Variants in TLE6 observed in about 807,000 individuals in gnomAD.
The protein encoded by TLE6 is TLE family member 6, subcortical maternal complex member.
Under a neutral mutation model 77.1 loss-of-function variants are expected in TLE6, and 72 were observed. The observed-to-expected ratio is 0.93, with a 90% CI of 0.77 to 1.14. The LOEUF is 1.14. TLE6 is among the 50% of genes most tolerant of loss of function. The pLI is 0.00. For synonymous variants in TLE6, 366 were observed against 287.3 expected (o/e 1.27, Z -2.77); for missense variants, 843 against 747.6 (o/e 1.13, Z -1.49).
At position 2,994,956 on chromosome 19, in the gene TLE6, T is replaced by C. The variant is rs1393508736; in HGVS notation, c.1671T>C (p.Val557=). 1 of 1,609,876 alleles carries C rather than the reference T, an allele frequency of 6.2e-7. No individual in the cohort carries two copies. Among genetic ancestry groups the C allele is most frequent in the East Asian group, 2.2e-5 (1 of 44,834 alleles). The change falls in exon 17 of 17, where the codon GTT becomes GTC. Residue 557 remains valine (V), a synonymous_variant. Coordinates refer to ENST00000246112, the MANE Select transcript of TLE6 (RefSeq NM_001143986.2). ...ACGTCTCTTCCAACAACCGCCTCGT[T>C]GTCACAGGCTCCGGGGAGCACGCCT... ...CCDVSSNNRL[V]VTGSGEHASV... is the part of the protein sequence containing the mutation.
At chr19:2,994,838 C>G (rs1249355696) in intron 16 of TLE6, 62 bp from the exon 17 acceptor site, 1 of 920,256 alleles carries the variant, frequency 1.1e-6, no homozygotes, top group Admixed American at 2.1e-5. Context: ...CTTGAGCTGA[C>G]AGGTGGAGAC....
Position 2,988,126 on chromosome 19 carries a change from C to T in TLE6, c.738C>T (p.Ser246=), listed in dbSNP as rs570924594. ...GAAGAGCCTCTCGGTTTCTACAGTC[C>T]ATGTAAGTGTCTGCACTGTTTGCTT... ...PPGRASRFLQ[S]ISWDPEDFED... is the part of the protein sequence containing the mutation. Residue 246 remains serine (S), a splice_region_variant and synonymous_variant, in exon 11 of 17, where the codon TCC becomes TCT. Transcript: ENST00000246112. 7 of 1,551,678 alleles carry T rather than the reference C, an allele frequency of 4.5e-6. No individual in the cohort carries two copies. In the South Asian group the frequency reaches 5.9e-5, roughly 13 times the overall value.
intron 2 of TLE6, among the ~76,000 whole-genome samples, chr19:2,979,283 G>C (rs914186844): frequency 6.8e-6 from 1 of 147,890 alleles, no homozygotes; most frequent in Non-Finnish European, 1.5e-5. Flanking sequence ...TCTTGCTCTT[G>C]TTGCCCAGGC....
At chr19:2,981,608 A>G (rs750020549) in intron 4 of TLE6, 25 bp downstream of exon 4, 46 of 1,551,186 alleles carry the variant, frequency 3.0e-5, no homozygotes, top group Non-Finnish European at 3.7e-5. Context: ...GGCAGCCCCA[A>G]CCAAGGAGGG....
chr19:2,991,395 T>TATATACACAC (rs1555686268), intron 13 of TLE6, among the ~76,000 whole-genome samples: 14 of 114,120 alleles, frequency 1.2e-4, no homozygotes, highest in East Asian at 7.0e-4. Context: ...TATATATATA[T>TATATACACAC]ACACACACAC....
chr19:2,978,067 G>A (rs927844319), intron 1 of TLE6, 131 bp from the exon 2 acceptor site: 21 of 652,934 alleles, frequency 3.2e-5, no homozygotes, highest in African/African-American at 3.1e-4. Context: ...GGAACGCATG[G>A]GAGAACCGCA....
chr19:2,979,100 G>A (rs1453565674), intron 2 of TLE6, among the ~76,000 whole-genome samples: 1 of 151,440 alleles, frequency 6.6e-6, no homozygotes, highest in Non-Finnish European at 1.5e-5. Flanking sequence ...ACAAGCACCT[G>A]CCACCATGAC....
chr19:2,980,883 CTT>C, intron 3 of TLE6, among the ~76,000 whole-genome samples: 1 of 151,494 alleles, frequency 6.6e-6, no homozygotes, highest in East Asian at 1.9e-4. Flanking sequence ...GATGCCATCT[CTT>C]AAAAAATAAA....
chr19:2,990,478 C>T, intron 13 of TLE6, among the ~76,000 whole-genome samples: 1 of 150,572 alleles, frequency 6.6e-6, no homozygotes, highest in Non-Finnish European at 1.5e-5. Flanking sequence ...GTGGTGGGTA[C>T]CTGTAGTCCC....
chr19:2,989,555 C>T lies in TLE6; in HGVS notation c.1014C>T (p.Arg338=), dbSNP rs753439806. The change falls in exon 13 of 17, where the codon CGC becomes CGT. Residue 338 remains arginine, a synonymous_variant. Transcript: ENST00000246112. ...LPIQTPGAFL[R]TCLLSSNSRS... is the part of the protein sequence containing the mutation. The stretch of plus-strand genomic sequence containing the variant: ...CCCAGACCCCTGGGGCCTTCCTGCG[C>T]ACCTGCCTGCTGTCCTCAAACAGCA... 7 of 1,612,734 alleles carry T rather than the reference C, an allele frequency of 4.3e-6. No individual in the cohort carries two copies. In the East Asian group the frequency reaches 1.1e-4, roughly 26 times the overall value.
chr19:2,989,386 G>A, intron 12 of TLE6, 73 bp downstream of exon 12: 1 of 1,593,542 alleles, frequency 6.3e-7, no homozygotes, highest in Non-Finnish European at 8.5e-7. Context: ...GTCTGGCAGA[G>A]CCCAGATCGT....
intron 15 of TLE6, 73 bp downstream of exon 15, chr19:2,993,655 G>C: frequency 2.0e-6 from 3 of 1,492,448 alleles, no homozygotes; most frequent in Non-Finnish European, 2.7e-6. Context: ...CCTAATGCCA[G>C]CTCCCCACCC....
At chr19:2,989,034 A>G in intron 11 of TLE6, 27 bp from the exon 12 acceptor site, 2 of 1,607,592 alleles carry the variant, frequency 1.2e-6, no homozygotes, top group Non-Finnish European at 1.7e-6. Context: ...CAAGCAGGTC[A>G]GTTACCCCAA....
At chr19:2,993,218 A>G (rs2089124696) in intron 14 of TLE6, among the ~76,000 whole-genome samples, 1 of 152,112 alleles carries the variant, frequency 6.6e-6, no homozygotes, top group Non-Finnish European at 1.5e-5. Flanking sequence ...CTCAAAATAA[A>G]CACTCATGCT....
At chr19:2,991,752 C>T in intron 13 of TLE6, 91 bp from the exon 14 acceptor site, 2 of 1,309,314 alleles carry the variant, frequency 1.5e-6, no homozygotes, top group South Asian at 1.3e-5. Context: ...TGGCACTGTC[C>T]CTTTCATGCC....
chr19:2,994,946 A>G lies in TLE6; in HGVS notation c.1661A>G (p.Asn554Ser), dbSNP rs1479234869. 2.2e-5 allele frequency: 35 copies of G among 1,608,418 alleles called. No individual in the cohort carries two copies. Among genetic ancestry groups the G allele is most frequent in the Non-Finnish European group, 3.0e-5 (35 of 1,177,852 alleles). Residue 554 changes from asparagine to serine, a missense_variant, in exon 17 of 17, where the codon AAC becomes AGC. By Grantham distance (46) the Asn-to-Ser change is conservative. Transcript: ENST00000246112. The stretch of plus-strand genomic sequence containing the variant: ...ACGTGCTGTGACGTCTCTTCCAACA[A>G]CCGCCTCGTTGTCACAGGCTCCGGG... The part of the protein sequence containing the change: ...PVTCCDVSSN[N>S]RLVVTGSGEH...
In TLE6 at chr19:2,988,108, C is replaced by T. The variant is rs1252290980; in HGVS notation, c.720C>T (p.Ala240=). 17 of 1,551,824 alleles carry T rather than the reference C, an allele frequency of 1.1e-5. No homozygotes were observed. The Admixed American group carries it at 2.0e-4, about 18-fold the overall frequency. ...WGVVQEPPGR[A]SRFLQSISWD... ...GCCTGCAGGAGCCTCCTGGAAGAGCCTCTCGGTTTCTACAGTCCATGTAAG... is the reference window on the plus strand; with the variant it reads ...GCCTGCAGGAGCCTCCTGGAAGAGCTTCTCGGTTTCTACAGTCCATGTAAG... Residue 240 remains alanine (A), a synonymous_variant, in exon 11 of 17, where the codon GCC becomes GCT. Transcript: ENST00000246112.
rs149458627 is a variant in TLE6 at position 2,987,906 on chromosome 19, C to T, written c.634C>T (p.Pro212Ser). 1 of 1,609,256 alleles carries T rather than the reference C, an allele frequency of 6.2e-7. No individual in the cohort carries two copies. Among genetic ancestry groups the T allele is most frequent in the Admixed American group, 1.7e-5 (1 of 59,716 alleles). ...TCTTGTCTCCCCACTAGCCCCCAGG[C>T]CACCTGAGGCCTCCTCCAGTCCCCC... ...PCPEDASTPRPPEASSSPPEG... is the reference protein window; with the variant it reads ...PCPEDASTPRSPEASSSPPEG... The change falls in exon 10 of 17, where the codon CCA (proline) becomes TCA (serine). Residue 212 changes from proline to serine, a missense_variant. Coordinates refer to ENST00000246112, the MANE Select transcript of TLE6 (RefSeq NM_001143986.2).
Position 2,994,093 on chromosome 19 carries a change from G to A in TLE6, c.1612G>A (p.Glu538Lys), listed in dbSNP as rs752045340. 1.9e-5 allele frequency: 30 copies of A among 1,573,448 alleles called. No homozygotes were observed. Among genetic ancestry groups the A allele is most frequent in the African/African-American group, 2.8e-5 (2 of 71,126 alleles). ...CATGCCGGCGGGGACAAAAGTGTTC[G>A]AGGTACTGCGGTGGGCTGGGGGCAG... Reference protein sequence around the residue: ...YSMPAGTKVFEVPEMSPVTCC... With the variant: ...YSMPAGTKVFKVPEMSPVTCC... The change falls in exon 16 of 17, where the codon GAG becomes AAG. Residue 538 changes from glutamate to lysine, a missense_variant and splice_region_variant. Physicochemically the swap from Glu to Lys is moderately conservative, Grantham distance 56. Transcript: ENST00000246112.
Sources: allele counts gnomAD v4.1 joint callset (sites outside exome capture counted in the v4.1 genomes callset), GRCh38; gene constraint gnomAD v4.1.1; transcripts MANE v1.5; gene names NCBI Gene and HGNC (gene_info 2026-07-23, HGNC 2026-07-21).